The following FAM83B variants were observed in gnomAD, a reference collection of about 807,000 sequenced individuals.
FAM83B encodes scaffolding CK1 anchoring protein B.
In FAM83B, 26 loss-of-function variants were observed where a neutral mutation model predicts 38.8. That is an observed-to-expected ratio of 0.67 (90% CI 0.49 to 0.93). The LOEUF (loss-of-function observed/expected upper bound fraction) is 0.93. Among genes scored for constraint, FAM83B ranks in the 40% least tolerant of loss-of-function variants. The probability of loss-of-function intolerance (pLI) is 0.00; values close to 1 mark genes in which losing one functional copy is unlikely to be tolerated. For synonymous variants in FAM83B, 419 were observed against 423.1 expected (o/e 0.99, Z 0.12); for missense variants, 1,237 against 1,197.3 (o/e 1.03, Z -0.49).
rs150969156 is a variant in FAM83B at position 54,923,442 on chromosome 6, A to G, written c.445-2929A>G. 1.4e-3 allele frequency among the ~76,000 whole-genome samples: 206 copies of G among 152,178 alleles called. 2 individuals carry two copies. Among genetic ancestry groups the G allele is most frequent in the African/African-American group, 4.5e-3 (185 of 41,546 alleles). On this transcript the variant is annotated intron_variant, in intron 2 of 4. Transcript: ENST00000306858. The stretch of plus-strand genomic sequence containing the variant: ...ACACACTCATGGCAGAACCACAGCC[A>G]TGGCTAAATCAGACTCTGCCTACTC...
intron 2 of FAM83B, among the ~76,000 whole-genome samples, chr6:54,889,576 T>G (rs568464933): frequency 2.8e-4 from 42 of 152,236 alleles, no homozygotes; most frequent in Middle Eastern, 3.4e-3. Flanking sequence ...TCCTGAATAC[T>G]TTAAATCATC....
intron 2 of FAM83B, among the ~76,000 whole-genome samples, chr6:54,901,932 C>T (rs567268979): frequency 1.1e-3 from 166 of 152,212 alleles, no homozygotes; most frequent in African/African-American, 3.6e-3. Context: ...TCTTCCCATC[C>T]GTGGTCCCTC....
chr6:54,915,574 A>T (rs867604649), intron 2 of FAM83B, among the ~76,000 whole-genome samples: 15 of 137,816 alleles, frequency 1.1e-4, no homozygotes, highest in Admixed American at 1.0e-3. Context: ...TGGGAGGCCG[A>T]GGCGGGTGGA....
chr6:54,885,870 T>C (rs1013836859), intron 2 of FAM83B, among the ~76,000 whole-genome samples: 1 of 151,614 alleles, frequency 6.6e-6, no homozygotes, highest in Non-Finnish European at 1.5e-5. Context: ...TAATGCTAAA[T>C]GACGAGTTAA....
intron 2 of FAM83B, among the ~76,000 whole-genome samples, chr6:54,925,898 C>G (rs1773277247): frequency 6.6e-6 from 1 of 152,272 alleles, no homozygotes; most frequent in East Asian, 1.9e-4. Context: ...CTTTCTCCAT[C>G]TTTCATCCTT....
At chr6:54,846,873 C>A (rs994390368) in intron 1 of FAM83B, 47 bp downstream of exon 1, 1 of 151,442 alleles carries the variant, frequency 6.6e-6, no homozygotes, top group Non-Finnish European at 1.5e-5. Flanking sequence ...GCGGACGGGA[C>A]CCCAGCGGGT....
At chr6:54,901,286 G>A (rs1477480712) in intron 2 of FAM83B, among the ~76,000 whole-genome samples, 3 of 152,032 alleles carry the variant, frequency 2.0e-5, no homozygotes, top group Non-Finnish European at 4.4e-5. Context: ...GGGGAATTTG[G>A]TAAACACCTG....
intron 2 of FAM83B, among the ~76,000 whole-genome samples, chr6:54,916,876 T>C (rs186423693): frequency 1.1e-4 from 16 of 152,350 alleles, no homozygotes; most frequent in Non-Finnish European, 2.2e-4. Context: ...ATCTTTCATC[T>C]GGCTATTATT....
intron 2 of FAM83B, among the ~76,000 whole-genome samples, chr6:54,877,315 A>G (rs1772020491): frequency 6.6e-6 from 1 of 152,090 alleles, no homozygotes; most frequent in Non-Finnish European, 1.5e-5. Flanking sequence ...CATGAAAATA[A>G]GGGGATATTA....
intron 1 of FAM83B, among the ~76,000 whole-genome samples, chr6:54,862,724 G>T (rs1279981214): frequency 2.0e-5 from 3 of 151,956 alleles, no homozygotes; most frequent in Non-Finnish European, 2.9e-5. Context: ...TAAAATACAA[G>T]AAAAGAAAAA....
chr6:54,944,334 T>A lies in FAM83B; in HGVS notation c.*2327T>A, dbSNP rs1477885759. ...AATATCACTTTGATGTACATTGATA[T>A]TAAAGTTTGGTAATGCAGCTTTTAC... On this transcript the variant is annotated 3_prime_UTR_variant, in exon 5 of 5. Coordinates refer to ENST00000306858, the MANE Select transcript of FAM83B (RefSeq NM_001010872.3). 1 of 152,236 alleles carries A rather than the reference T, an allele frequency of 6.6e-6. No individual in the cohort carries two copies. Among genetic ancestry groups the A allele is most frequent in the Non-Finnish European group, 1.5e-5 (1 of 68,032 alleles). 9.4% of individuals were successfully genotyped at this position (152,236 alleles called of 1,614,324 possible).
At chr6:54,875,601 T>C (rs914040181) in intron 2 of FAM83B, among the ~76,000 whole-genome samples, 7 of 151,882 alleles carry the variant, frequency 4.6e-5, no homozygotes, top group South Asian at 2.1e-4. Flanking sequence ...TATGTTTGAG[T>C]GTGTATGTTT....
chr6:54,848,568 T>C (rs892766110), intron 1 of FAM83B, among the ~76,000 whole-genome samples: 1 of 152,194 alleles, frequency 6.6e-6, no homozygotes, highest in Non-Finnish European at 1.5e-5. Context: ...GATGAAGTAA[T>C]TAATTTTATT....
intron 2 of FAM83B, among the ~76,000 whole-genome samples, chr6:54,881,620 G>GA (rs1044322262): frequency 9.3e-5 from 14 of 149,966 alleles, no homozygotes; most frequent in South Asian, 2.1e-4. Flanking sequence ...AGCAGTTACT[G>GA]AAAAAAAAAT....
At chr6:54,851,149 C>CT (rs1207540824) in intron 1 of FAM83B, among the ~76,000 whole-genome samples, 6 of 150,518 alleles carry the variant, frequency 4.0e-5, no homozygotes, top group African/African-American at 1.5e-4. Context: ...CCCTGTGATT[C>CT]TTTTTTTTAG....
intron 1 of FAM83B, among the ~76,000 whole-genome samples, chr6:54,847,530 G>A (rs1219237463): frequency 6.6e-6 from 1 of 152,092 alleles, no homozygotes; most frequent in Non-Finnish European, 1.5e-5. Flanking sequence ...CACTGCTCTA[G>A]ATCCTGGTGA....
rs1358087818 is a variant in FAM83B at position 54,941,224 on chromosome 6, TA to T, written c.2255del (p.Asn752ThrfsTer17). ...TACTTGATGTGAATAAAGAGGAATC[TA>T]ACAAAGAACTTGCTTCAAAGAAGGA... ...ALLDVNKEESNKELASKKEVK... is the reference protein window; with the variant it reads ...ALLDVNKEESXKELASKKEVK... On this transcript the variant is annotated frameshift_variant, in exon 5 of 5. Transcript: ENST00000306858. LOFTEE classifies it high-confidence loss of function. The T allele has an allele frequency of 5.6e-6, 9 of 1,613,622 alleles. No individual in the cohort carries two copies. Among genetic ancestry groups the T allele is most frequent in the Non-Finnish European group, 7.6e-6 (9 of 1,179,864 alleles).
intron 2 of FAM83B, among the ~76,000 whole-genome samples, chr6:54,884,568 C>T (rs1237859253): frequency 2.0e-5 from 3 of 150,968 alleles, no homozygotes; most frequent in African/African-American, 7.3e-5. Context: ...TTTATTTTGT[C>T]TTTCATATGA....
At chr6:54,855,058 T>C (rs931466975) in intron 1 of FAM83B, among the ~76,000 whole-genome samples, 16 of 152,218 alleles carry the variant, frequency 1.1e-4, no homozygotes, top group Admixed American at 1.0e-3. Flanking sequence ...ACTTCAGAAT[T>C]TTCATTTTTC....
Sources: gnomAD v4.1 joint callset for allele counts (sites outside exome capture counted in the v4.1 genomes callset) on GRCh38, gnomAD v4.1.1 for gene constraint, MANE v1.5 for transcripts, NCBI Gene and HGNC (gene_info 2026-07-23, HGNC 2026-07-21) for gene names.